The following EIF4G3 variants were observed in gnomAD, a reference collection of about 807,000 sequenced individuals.
The protein encoded by EIF4G3 is eukaryotic translation initiation factor 4 gamma 3, also known as eIF-4-gamma 3.
EIF4G3 carries 34 observed loss-of-function variants against 186.4 expected under a neutral mutation model. That is an observed-to-expected ratio of 0.18 (90% confidence interval 0.14 to 0.24). EIF4G3 has a LOEUF of 0.24. EIF4G3 is among the 10% of genes least tolerant of loss of function. EIF4G3 has a pLI of 1.00. For synonymous variants in EIF4G3, 673 were observed against 679.5 expected (o/e 0.99, Z 0.15); for missense variants, 1,536 against 1,948.5 (o/e 0.79, Z 3.99).
chr1:20,866,937 A>T (rs1293842677), intron 20 of EIF4G3, among the ~76,000 whole-genome samples: 1 of 152,304 alleles, frequency 6.6e-6, no homozygotes, highest in Non-Finnish European at 1.5e-5. Context: ...TCCGGCCCAC[A>T]ATCTATCATC....
intron 14 of EIF4G3, among the ~76,000 whole-genome samples, chr1:20,906,040 T>C (rs935287467): frequency 2.6e-5 from 4 of 152,220 alleles, no homozygotes; most frequent in African/African-American, 9.6e-5. Flanking sequence ...TATTAATTTT[T>C]TTCCTCAAAA....
chr1:20,943,675 A>G (rs1296686841), intron 13 of EIF4G3, among the ~76,000 whole-genome samples: 1 of 152,250 alleles, frequency 6.6e-6, no homozygotes, highest in Non-Finnish European at 1.5e-5. Context: ...TTATACATCA[A>G]TGAAAGTGAG....
chr1:20,899,784 C>T lies in EIF4G3; in HGVS notation c.1912G>A (p.Glu638Lys). ...EEAEPVRNGA[E>K]SVSEGEGIDA... is the part of the protein sequence containing the mutation. ...ATTCCTTCACCCTCAGAAACACTCT[C>T]AGCACCATTACGTACTGGCTCAGCT... The change falls in exon 16 of 37, where the codon GAG becomes AAG. Residue 638 changes from glutamate (E) to lysine (K), a missense_variant. By Grantham distance (56) the Glu-to-Lys change is moderately conservative (BLOSUM62 1). This residue lies in a region of EIF4G3 where 560 missense variants were observed against 547.8 expected (regional missense o/e 1.02). Coordinates refer to ENST00000602326, the MANE Select transcript of EIF4G3 (RefSeq NM_001391906.1). 1 of 1,614,162 alleles carries T rather than the reference C, an allele frequency of 6.2e-7. No homozygotes were observed. The highest frequency in any genetic ancestry group is 8.5e-7 in the Non-Finnish European group (1 of 1,180,016).
At chr1:21,039,594 C>T (rs910085967) in intron 4 of EIF4G3, among the ~76,000 whole-genome samples, 8 of 152,122 alleles carry the variant, frequency 5.3e-5, no homozygotes, top group South Asian at 2.1e-4. Context: ...ATCCCAGAGA[C>T]GGAAGCTACA....
chr1:21,003,805 T>C lies in EIF4G3; in HGVS notation c.-66-997A>G. The stretch of plus-strand genomic sequence containing the variant: ...ATGATTTCAAATTTGCCAATGTAAA[T>C]TGCCTTATCATGCCTCATCATCATG... On this transcript the variant is annotated intron_variant, in intron 4 of 36. Coordinates refer to ENST00000602326, the MANE Select transcript of EIF4G3 (RefSeq NM_001391906.1). 2 of 414,022 alleles carry C rather than the reference T, an allele frequency of 4.8e-6. 1 individual carries two copies. The highest frequency in any genetic ancestry group is 3.8e-5 in the South Asian group (2 of 52,562). 25.6% of individuals were successfully genotyped at this position (414,022 alleles called of 1,614,324 possible).
At chr1:21,022,138 T>C (rs908843498) in intron 4 of EIF4G3, among the ~76,000 whole-genome samples, 6 of 152,202 alleles carry the variant, frequency 3.9e-5, no homozygotes, top group African/African-American at 7.2e-5. Flanking sequence ...AATTATTTTA[T>C]GGATAATTTA....
chr1:20,984,201 C>G (rs1175873367), intron 7 of EIF4G3, among the ~76,000 whole-genome samples: 1 of 151,918 alleles, frequency 6.6e-6, no homozygotes. Context: ...GAGTCTTGCT[C>G]TGTCGCCCAG....
intron 2 of EIF4G3, among the ~76,000 whole-genome samples, chr1:21,097,318 T>C (rs2096398659): frequency 6.6e-6 from 1 of 152,166 alleles, no homozygotes; most frequent in Admixed American, 6.6e-5. Flanking sequence ...CCACTTTCAG[T>C]AGGTATCCCT....
At chr1:21,075,395 C>T (rs1319133623) in intron 3 of EIF4G3, among the ~76,000 whole-genome samples, 1 of 151,212 alleles carries the variant, frequency 6.6e-6, no homozygotes, top group Admixed American at 6.6e-5. Context: ...ATGGTGAAAC[C>T]CCATCTCTAC....
At chr1:20,861,230 GGTAGGGCTTT>G (rs2076247470) in intron 23 of EIF4G3, among the ~76,000 whole-genome samples, 1 of 152,190 alleles carries the variant, frequency 6.6e-6, no homozygotes, top group Non-Finnish European at 1.5e-5. Context: ...AGAAATAAGA[GGTAGGGCTTT>G]GTTCACTTTC....
At chr1:20,807,742 G>C (rs1239490396) in intron 36 of EIF4G3, among the ~76,000 whole-genome samples, 3 of 132,272 alleles carry the variant, frequency 2.3e-5, no homozygotes, top group Non-Finnish European at 3.2e-5. Flanking sequence ...TGTACAATTT[G>C]AACTTTTTTT....
intron 14 of EIF4G3, among the ~76,000 whole-genome samples, chr1:20,916,027 T>C (rs193120654): frequency 8.5e-5 from 13 of 152,288 alleles, no homozygotes; most frequent in Non-Finnish European, 1.8e-4. Context: ...ATGAAACTGA[T>C]ATATAAAAAT....
chr1:21,144,367 C>T (rs1193097727), intron 2 of EIF4G3, among the ~76,000 whole-genome samples: 1 of 152,296 alleles, frequency 6.6e-6, no homozygotes, highest in South Asian at 2.1e-4. Context: ...GAGCCTCCCA[C>T]CTCAGCTCTT....
intron 34 of EIF4G3, among the ~76,000 whole-genome samples, chr1:20,813,879 C>G (rs952000489): frequency 1.1e-4 from 17 of 151,130 alleles, no homozygotes; most frequent in African/African-American, 4.1e-4. Context: ...AAAAGATACC[C>G]TTGCGTATCA....
intron 2 of EIF4G3, among the ~76,000 whole-genome samples, chr1:21,094,636 G>A (rs2096305411): frequency 7.3e-6 from 1 of 137,776 alleles, no homozygotes. Flanking sequence ...TGGGGGGAGG[G>A]GGGAGGGACA....
chr1:20,891,453 A>G (rs532051647), intron 18 of EIF4G3, among the ~76,000 whole-genome samples: 137 of 152,010 alleles, frequency 9.0e-4, no homozygotes, highest in African/African-American at 3.2e-3. Flanking sequence ...TTTCAACATT[A>G]AAAAGGGAAA....
Position 21,111,221 on chromosome 1 carries a change from C to T in EIF4G3, c.-271-22008G>A, listed in dbSNP as rs576424774. 5.6e-4 allele frequency: 242 copies of T among 435,086 alleles called. 2 individuals carry two copies. The highest frequency in any genetic ancestry group is 4.4e-3 in the African/African-American group (217 of 48,842). The allele number at this position is 435,086 out of a possible 1,614,324, so 27.0% of individuals were successfully genotyped here. A position where few individuals can be genotyped will look rare whatever the true frequency, so the allele number is the denominator to read the frequency against. ...TTTCTGTTGCTTTTAGAATGTGTTG[C>T]ACATTCCTGAGTACTAACAAGTGGC... On this transcript the variant is annotated intron_variant, in intron 2 of 36. Transcript: ENST00000602326.
intron 2 of EIF4G3, among the ~76,000 whole-genome samples, chr1:21,106,944 A>G (rs1049422555): frequency 6.6e-6 from 1 of 152,180 alleles, no homozygotes; most frequent in African/African-American, 2.4e-5. Context: ...CTTACCTATC[A>G]GCCCTACAGA....
intron 2 of EIF4G3, among the ~76,000 whole-genome samples, chr1:21,147,434 G>A (rs2097464976): frequency 1.3e-5 from 2 of 151,332 alleles, no homozygotes; most frequent in South Asian, 4.2e-4. Context: ...TCCACCTCCC[G>A]GGTTCAAGCG....
Sources: allele counts gnomAD v4.1 joint callset (sites outside exome capture counted in the v4.1 genomes callset), GRCh38; gene constraint gnomAD v4.1.1; regional missense constraint gnomAD v4.1.1; transcripts MANE v1.5; gene names NCBI Gene and HGNC (gene_info 2026-07-23, HGNC 2026-07-21).